The following GRIA3 variants were observed in gnomAD, a reference collection of about 807,000 sequenced individuals.
GRIA3 encodes glutamate receptor 3.
GRIA3 carries 3 observed loss-of-function variants against 63.0 expected under a neutral mutation model. The observed-to-expected ratio is 0.05, with a 90% CI of 0.02 to 0.12. The LOEUF is 0.12. Ranked by LOEUF, GRIA3 falls within the 10% of genes least tolerant of loss-of-function variation. The pLI is 1.00. For missense variants in GRIA3, 347 were observed against 700.9 expected, an observed-to-expected ratio of 0.50 and a Z score of 5.70; for synonymous variants, 274 against 257.9, an observed-to-expected ratio of 1.06 and a Z score of -0.60.
chrX:123,307,178 G>A (rs1013955628), intron 3 of GRIA3, among the ~76,000 whole-genome samples: 1 of 111,594 alleles, frequency 9.0e-6, no homozygotes, highest in African/African-American at 3.3e-5. Flanking sequence ...GGCAAAGCCA[G>A]GACAAAGTTG....
At chrX:123,260,901 T>C (rs1301787464) in intron 3 of GRIA3, among the ~76,000 whole-genome samples, 1 of 111,163 alleles carries the variant, frequency 9.0e-6, no homozygotes, top group East Asian at 2.9e-4. Flanking sequence ...ACAATAATAA[T>C]AGTGAATGAC....
intron 3 of GRIA3, among the ~76,000 whole-genome samples, chrX:123,290,005 G>A (rs1467940631): frequency 1.8e-5 from 2 of 111,194 alleles, no homozygotes; most frequent in Admixed American, 1.9e-4. Flanking sequence ...TGATATTGGT[G>A]TTTTCACTGT....
At chrX:123,397,789 C>A (rs2045422515) in intron 6 of GRIA3, among the ~76,000 whole-genome samples, 1 of 112,058 alleles carries the variant, frequency 8.9e-6, no homozygotes, top group Non-Finnish European at 1.9e-5. Flanking sequence ...CTACATTCTA[C>A]CAGTATTTGT....
intron 2 of GRIA3, among the ~76,000 whole-genome samples, chrX:123,201,920 C>T (rs993914548): frequency 8.9e-6 from 1 of 111,935 alleles, no homozygotes; most frequent in African/African-American, 3.3e-5. Flanking sequence ...GCCAGATTCC[C>T]AAGGGATTGC....
intron 5 of GRIA3, among the ~76,000 whole-genome samples, chrX:123,369,325 G>C (rs761835896): frequency 8.9e-6 from 1 of 112,171 alleles, no homozygotes; most frequent in Non-Finnish European, 1.9e-5. Flanking sequence ...CTGTCCCATA[G>C]GCAAAACATC....
intron 2 of GRIA3, among the ~76,000 whole-genome samples, chrX:123,242,183 T>C (rs1434534526): frequency 1.8e-5 from 2 of 112,341 alleles, no homozygotes; most frequent in African/African-American, 6.5e-5. Flanking sequence ...GTTTTGGCTT[T>C]AATTATGAAA....
intron 3 of GRIA3, among the ~76,000 whole-genome samples, chrX:123,269,482 C>G (rs1462662944): frequency 8.9e-6 from 1 of 111,766 alleles, no homozygotes; most frequent in Admixed American, 9.5e-5. Context: ...GTCTCCCATG[C>G]CTTGGTGCCA....
At chrX:123,224,089 T>G (rs2044232577) in intron 2 of GRIA3, among the ~76,000 whole-genome samples, 1 of 112,057 alleles carries the variant, frequency 8.9e-6, no homozygotes, top group African/African-American at 3.2e-5. Context: ...TCATTCTGAC[T>G]GGCACATCTA....
chrX:123,212,305 G>T (rs755908319), intron 2 of GRIA3, among the ~76,000 whole-genome samples: 142 of 111,828 alleles, frequency 1.3e-3, no homozygotes, highest in African/African-American at 4.4e-3. Flanking sequence ...CTTACCTTGA[G>T]ATTGCAAACT....
chrX:123,353,066 C>T (rs1412766386), intron 4 of GRIA3, among the ~76,000 whole-genome samples: 1 of 109,564 alleles, frequency 9.1e-6, no homozygotes, highest in African/African-American at 3.3e-5. Flanking sequence ...AACACACACA[C>T]ACACACATAC....
chrX:123,428,181 T>G (rs771890708), intron 12 of GRIA3, 42 bp downstream of exon 12: 28 of 903,152 alleles, frequency 3.1e-5, no homozygotes, highest in Non-Finnish European at 4.4e-5. Context: ...ATATTTATTT[T>G]ATCATCTTCT....
At chrX:123,375,556 CT>C (rs1045644353) in intron 5 of GRIA3, among the ~76,000 whole-genome samples, 8 of 111,466 alleles carry the variant, frequency 7.2e-5, no homozygotes, top group African/African-American at 2.6e-4. Flanking sequence ...TCACTTTGGC[CT>C]TTTTTTAAAC....
chrX:123,266,341 C>T (rs753645572), intron 3 of GRIA3, among the ~76,000 whole-genome samples: 5 of 111,262 alleles, frequency 4.5e-5, no homozygotes, highest in East Asian at 2.8e-4. Context: ...TTCTGAATTC[C>T]GAATTTATTC....
intron 2 of GRIA3, among the ~76,000 whole-genome samples, chrX:123,204,878 A>G (rs1380429203): frequency 1.8e-5 from 2 of 112,063 alleles, no homozygotes; most frequent in Non-Finnish European, 3.8e-5. Flanking sequence ...TTTCTGAGTA[A>G]GAAGCCCTCA....
chrX:123,284,948 A>G (rs1011432915), intron 3 of GRIA3, among the ~76,000 whole-genome samples: 1 of 111,100 alleles, frequency 9.0e-6, no homozygotes, highest in African/African-American at 3.3e-5. Flanking sequence ...ACACATAATC[A>G]TCAGATTCAC....
intron 5 of GRIA3, among the ~76,000 whole-genome samples, chrX:123,367,525 C>T (rs1254281706): frequency 9.1e-6 from 1 of 110,324 alleles, no homozygotes; most frequent in African/African-American, 3.3e-5. Context: ...CAACCTCCGC[C>T]TCCTGGGTTC....
Position 123,199,369 on chromosome X carries a change from C to T in GRIA3, c.268+13379C>T, listed in dbSNP as rs191469632. Among the ~76,000 whole-genome samples the T allele has an allele frequency of 4.6e-3, 489 of 105,921 alleles. 4 individuals are homozygous for T. Among genetic ancestry groups the T allele is most frequent in the African/African-American group, 0.016 (462 of 28,885 alleles). The allele number at this position is 105,921 out of a possible 115,157, so 92.0% of individuals were successfully genotyped here. A position where few individuals can be genotyped will look rare whatever the true frequency, so the allele number is the denominator to read the frequency against. On this transcript the variant is annotated intron_variant, in intron 2 of 15. Transcript: ENST00000620443. ...AGCAGGCCGAAACCTGGGTTATGAC[C>T]AAAGGCAATTTTTAGCCACTTCCTA...
In GRIA3 at chrX:123,490,570, C is replaced by G. The variant is rs1341991680; in HGVS notation, c.*1860C>G. 8.9e-6 allele frequency: 1 copy of G among 112,073 alleles called. No homozygotes were observed. The highest frequency in any genetic ancestry group is 1.9e-5 in the Non-Finnish European group (1 of 53,224). The allele number at this position is 112,073 out of a possible 1,213,427, so 9.2% of individuals were successfully genotyped here. A position where few individuals can be genotyped will look rare whatever the true frequency, so the allele number is the denominator to read the frequency against. ...AAAGAAAAATGTATGTTTATTAACTCAAATCAGTTTTTCAGAGAGGAAACG... is the reference window on the plus strand; with the variant it reads ...AAAGAAAAATGTATGTTTATTAACTGAAATCAGTTTTTCAGAGAGGAAACG... On this transcript the variant is annotated 3_prime_UTR_variant, in exon 16 of 16. Transcript: ENST00000620443.
intron 4 of GRIA3, among the ~76,000 whole-genome samples, chrX:123,332,857 A>G (rs1355136404): frequency 8.9e-6 from 1 of 111,807 alleles, no homozygotes; most frequent in Non-Finnish European, 1.9e-5. Context: ...GCTAGAGTTT[A>G]TCTAAAACAT....
Sources: gnomAD v4.1 joint callset for allele counts (sites outside exome capture counted in the v4.1 genomes callset) on GRCh38, gnomAD v4.1.1 for gene constraint, MANE v1.5 for transcripts, NCBI Gene and HGNC (gene_info 2026-07-23, HGNC 2026-07-21) for gene names.